PCDH15: variants seen among roughly 807,000 people sequenced by gnomAD.
The protein encoded by PCDH15 is protocadherin-15.
A neutral mutation model predicts 178.5 loss-of-function variants in PCDH15; 129 were observed. The observed-to-expected ratio is 0.72, with a 90% CI of 0.63 to 0.84. The LOEUF (loss-of-function observed/expected upper bound fraction) is 0.84. Ranked by LOEUF, PCDH15 falls within the 40% of genes least tolerant of loss-of-function variation. The probability of loss-of-function intolerance (pLI) is 0.00; values close to 1 mark genes in which losing one functional copy is unlikely to be tolerated. For missense variants in PCDH15, 2,230 were observed against 2,099.9 expected (o/e 1.06, Z -1.21); for synonymous variants, 800 against 732.0 (o/e 1.09, Z -1.50).
chr10:54,931,641 T>G (rs1438080859), intron 2 of PCDH15, among the ~76,000 whole-genome samples: 2 of 152,208 alleles, frequency 1.3e-5, no homozygotes, highest in Admixed American at 1.3e-4. Flanking sequence ...GTCCTGCCTT[T>G]GAGACAGAGA....
chr10:55,073,050 T>C (rs1841793868), intron 2 of PCDH15, among the ~76,000 whole-genome samples: 4 of 152,084 alleles, frequency 2.6e-5, no homozygotes, highest in African/African-American at 7.2e-5. Context: ...ATTCAACAAC[T>C]TTTCATGCTA....
chr10:55,577,848 T>C (rs1291564118), intron 2 of PCDH15, among the ~76,000 whole-genome samples: 5 of 152,278 alleles, frequency 3.3e-5, no homozygotes, highest in Middle Eastern at 3.4e-3. Flanking sequence ...TAATGAATCT[T>C]TTCACAGTAG....
intron 33 of PCDH15, among the ~76,000 whole-genome samples, chr10:53,819,789 A>C (rs2076190876): frequency 6.6e-6 from 1 of 151,984 alleles, no homozygotes; most frequent in South Asian, 2.1e-4. Context: ...TAATACTAAA[A>C]GGTCTCATAT....
At chr10:54,372,908 G>A (rs927991027) in intron 4 of PCDH15, among the ~76,000 whole-genome samples, 1 of 151,524 alleles carries the variant, frequency 6.6e-6, no homozygotes, top group Non-Finnish European at 1.5e-5. Flanking sequence ...TGTGTATCAG[G>A]AATGATATAT....
At chr10:55,465,842 T>C (rs1839820378) in intron 2 of PCDH15, among the ~76,000 whole-genome samples, 1 of 152,208 alleles carries the variant, frequency 6.6e-6, no homozygotes, top group Non-Finnish European at 1.5e-5. Context: ...TAATACGATG[T>C]AAAATCCATG....
intron 2 of PCDH15, among the ~76,000 whole-genome samples, chr10:54,918,301 T>C (rs757769337): frequency 2.0e-5 from 3 of 151,708 alleles, no homozygotes; most frequent in Admixed American, 2.0e-4. Context: ...ATAGGTTGTA[T>C]TATATGAAGA....
intron 2 of PCDH15, among the ~76,000 whole-genome samples, chr10:55,073,000 C>G (rs910871301): frequency 4.6e-5 from 7 of 152,270 alleles, no homozygotes; most frequent in African/African-American, 1.7e-4. Context: ...ACAAAAACCA[C>G]ATGATTATCT....
intron 20 of PCDH15, among the ~76,000 whole-genome samples, chr10:54,016,406 C>A (rs1019010208): frequency 6.6e-6 from 1 of 152,076 alleles, no homozygotes; most frequent in Non-Finnish European, 1.5e-5. Context: ...AATTGTTGTA[C>A]CATAAAGACA....
chr10:53,989,208 G>A (rs1028994330), intron 21 of PCDH15, among the ~76,000 whole-genome samples: 1 of 152,104 alleles, frequency 6.6e-6, no homozygotes, highest in African/African-American at 2.4e-5. Flanking sequence ...AAGTATCTGA[G>A]TATGGACATT....
intron 2 of PCDH15, chr10:54,568,784 T>A (rs1329212044): frequency 6.6e-6 from 1 of 152,130 alleles, no homozygotes; most frequent in African/African-American, 2.4e-5. Context: ...TGGTACCTTT[T>A]TCTATTTTAA....
chr10:54,726,253 G>GA (rs1216751081), intron 1 of PCDH15, among the ~76,000 whole-genome samples: 5 of 151,252 alleles, frequency 3.3e-5, no homozygotes, highest in East Asian at 1.9e-4. Flanking sequence ...ACATTCCACA[G>GA]AAAAAAATTA....
At chr10:54,198,909 T>C (rs936340245) in intron 10 of PCDH15, among the ~76,000 whole-genome samples, 8 of 152,122 alleles carry the variant, frequency 5.3e-5, no homozygotes, top group African/African-American at 1.2e-4. Flanking sequence ...GTGAGGAGGA[T>C]GAAAAAAGCA....
At chr10:54,293,658 G>A (rs1034370758) in intron 8 of PCDH15, among the ~76,000 whole-genome samples, 1 of 152,084 alleles carries the variant, frequency 6.6e-6, no homozygotes, top group Non-Finnish European at 1.5e-5. Context: ...GTGGTCAAAG[G>A]CTATGAACAG....
chr10:53,967,453 T>C (rs969893552), intron 21 of PCDH15, among the ~76,000 whole-genome samples: 2 of 152,204 alleles, frequency 1.3e-5, no homozygotes, highest in African/African-American at 4.8e-5. Context: ...TAATTATTTG[T>C]AGAGATAAGG....
chr10:54,691,691 T>C (rs1455165092), intron 1 of PCDH15, among the ~76,000 whole-genome samples: 1 of 151,992 alleles, frequency 6.6e-6, no homozygotes, highest in Non-Finnish European at 1.5e-5. Context: ...TCCATCATCC[T>C]CCAAGGAAAT....
intron 2 of PCDH15, among the ~76,000 whole-genome samples, chr10:55,046,636 T>C (rs1390599019): frequency 6.6e-6 from 1 of 152,022 alleles, no homozygotes; most frequent in Admixed American, 6.6e-5. Flanking sequence ...CAACATTTCA[T>C]AATAAGTAGC....
intron 21 of PCDH15, among the ~76,000 whole-genome samples, chr10:53,976,490 G>A (rs2090191634): frequency 6.6e-6 from 1 of 152,018 alleles, no homozygotes; most frequent in Non-Finnish European, 1.5e-5. Flanking sequence ...TTTTGTCTTT[G>A]CCTGTAAGAC....
intron 2 of PCDH15, among the ~76,000 whole-genome samples, chr10:55,534,679 C>A (rs1397581733): frequency 6.6e-6 from 1 of 151,894 alleles, no homozygotes; most frequent in African/African-American, 2.4e-5. Flanking sequence ...AACTTAAAAA[C>A]AGAGCTGCAT....
intron 37 of PCDH15, among the ~76,000 whole-genome samples, chr10:53,810,312 A>C (rs1208499847): frequency 6.6e-6 from 1 of 152,136 alleles, no homozygotes; most frequent in Non-Finnish European, 1.5e-5. Context: ...AGAAAACATA[A>C]TTTTCATTGT....
Sources: gnomAD v4.1 joint callset for allele counts (sites outside exome capture counted in the v4.1 genomes callset) on GRCh38, gnomAD v4.1.1 for gene constraint, MANE v1.5 for transcripts, NCBI Gene and HGNC (gene_info 2026-07-23, HGNC 2026-07-21) for gene names.